The following PDCL variants were observed in gnomAD, a reference collection of about 807,000 sequenced individuals.
PDCL encodes phosducin like.
Under a neutral mutation model 26.7 loss-of-function variants are expected in PDCL, and 11 were observed. The observed-to-expected ratio is 0.41, with a 90% CI of 0.26 to 0.68. The LOEUF (loss-of-function observed/expected upper bound fraction) is 0.68. Ranked by LOEUF, PDCL falls within the 30% of genes least tolerant of loss-of-function variation. The probability of loss-of-function intolerance (pLI) is 0.30; values close to 1 mark genes in which losing one functional copy is unlikely to be tolerated. For synonymous variants in PDCL, 118 were observed against 134.9 expected, an observed-to-expected ratio of 0.87 and a Z score of 0.87; for missense variants, 330 against 371.6, an observed-to-expected ratio of 0.89 and a Z score of 0.92.
chr9:122,826,442 G>C (rs1207934736), intron 2 of PDCL, among the ~76,000 whole-genome samples, 174 bp downstream of exon 2: 1 of 152,180 alleles, frequency 6.6e-6, no homozygotes, highest in Non-Finnish European at 1.5e-5. Context: ...ACATACATTT[G>C]TATTGTGCAC....
rs373380908 is a variant in PDCL at position 122,820,142 on chromosome 9, T to A, written c.849A>T (p.Thr283=). The A allele has an allele frequency of 1.2e-6, 2 of 1,614,172 alleles. No homozygotes were observed. Among genetic ancestry groups the A allele is most frequent in the Non-Finnish European group, 1.7e-6 (2 of 1,179,996 alleles). ...GACACGTGGCAGAGTTACGCACAGA[T>A]GTCAGCACCAAGACTTCCTTTTCTG... ...LLPEKEVLVL[T]SVRNSATCHS... The change falls in exon 4 of 4, where the codon ACA becomes ACT. Residue 283 remains threonine (T), a synonymous_variant. Coordinates refer to ENST00000259467, the MANE Select transcript of PDCL (RefSeq NM_005388.5).
At chr9:122,822,989 A>G in intron 3 of PDCL, 27 bp downstream of exon 3, 1 of 1,603,418 alleles carries the variant, frequency 6.2e-7, no homozygotes, top group South Asian at 1.1e-5. Context: ...AGCAGACTCT[A>G]AGAAAAGCCT....
At position 122,820,198 on chromosome 9, in the gene PDCL, C is replaced by T; in HGVS notation, c.793G>A (p.Glu265Lys). ...LGDDFFAVDL[E>K]AFLQEFGLLP... is the part of the protein sequence containing the mutation. The stretch of plus-strand genomic sequence containing the variant: ...AATCCAAATTCCTGGAGAAAAGCTT[C>T]AAGGTCCACAGCAAAGAAATCATCC... The change falls in exon 4 of 4, where the codon GAA becomes AAA. Residue 265 changes from glutamate (E) to lysine (K), a missense_variant. Coordinates refer to ENST00000259467, the MANE Select transcript of PDCL (RefSeq NM_005388.5). 1 of 1,614,186 alleles carries T rather than the reference C, an allele frequency of 6.2e-7. No homozygotes were observed. The highest frequency in any genetic ancestry group is 8.5e-7 in the Non-Finnish European group (1 of 1,180,026).
rs200809010 is a variant in PDCL at position 122,820,373 on chromosome 9, G to A, written c.618C>T (p.Ala206=). ...EAMNGCMICL[A]AEYPAVKFCK... ...AGAACTTGACAGCTGGGTACTCTGCGGCAAGGCAGATCATGCAACCATTCA... is the reference window on the plus strand; with the variant it reads ...AGAACTTGACAGCTGGGTACTCTGCAGCAAGGCAGATCATGCAACCATTCA... The change falls in exon 4 of 4, where the codon GCC becomes GCT. Residue 206 remains alanine, a synonymous_variant. Coordinates refer to ENST00000259467, the MANE Select transcript of PDCL (RefSeq NM_005388.5). 1.1e-5 allele frequency: 17 copies of A among 1,614,090 alleles called. No homozygotes were observed. The highest frequency in any genetic ancestry group is 1.6e-4 in the Middle Eastern group (1 of 6,062).
chr9:122,823,277 C>T, intron 2 of PDCL, 80 bp from the exon 3 acceptor site: 1 of 1,352,652 alleles, frequency 7.4e-7, no homozygotes, highest in East Asian at 2.3e-5. Context: ...GGTAGGAGTT[C>T]ACATCTGCCT....
chr9:122,824,421 G>C (rs1829596717), intron 2 of PDCL, among the ~76,000 whole-genome samples: 1 of 152,152 alleles, frequency 6.6e-6, no homozygotes, highest in African/African-American at 2.4e-5. Flanking sequence ...TAAATAGAGG[G>C]ACACAGCCAA....
intron 2 of PDCL, among the ~76,000 whole-genome samples, chr9:122,825,191 T>C (rs1394220878): frequency 6.6e-6 from 1 of 151,818 alleles, no homozygotes; most frequent in Non-Finnish European, 1.5e-5. Context: ...AGACAGAGTC[T>C]CACTCTGTTG....
rs1829525349 is a variant in PDCL at position 122,819,371 on chromosome 9, A to C, written c.*714T>G. 1 of 152,200 alleles carries C rather than the reference A, an allele frequency of 6.6e-6. No homozygotes were observed. The highest frequency in any genetic ancestry group is 6.5e-5 in the Admixed American group (1 of 15,288). 9.4% of individuals were successfully genotyped at this position (152,200 alleles called of 1,614,324 possible). ...ACCTTGTTAAACAAAAAAGAGACAA[A>C]GACAAGCAGGGGCATCTTACTGAAA... On this transcript the variant is annotated 3_prime_UTR_variant, in exon 4 of 4. Transcript: ENST00000259467.
chr9:122,820,750 G>T (rs1829543041), intron 3 of PDCL, 114 bp from the exon 4 acceptor site: 2 of 771,752 alleles, frequency 2.6e-6, no homozygotes, highest in Admixed American at 5.5e-5. Context: ...TTGGGAGGCT[G>T]AGACGAGCGG....
chr9:122,823,993 C>T (rs1370406655), intron 2 of PDCL, among the ~76,000 whole-genome samples: 1 of 152,208 alleles, frequency 6.6e-6, no homozygotes, highest in Non-Finnish European at 1.5e-5. Flanking sequence ...TGGTCTCCAA[C>T]TCCTGACCTC....
Position 122,826,730 on chromosome 9 carries a change from T to C in PDCL, c.58A>G (p.Ser20Gly), listed in dbSNP as rs1457879017. The stretch of plus-strand genomic sequence containing the variant: ...TCGTGGTCACTGTCCTCATCCTCAC[T>C]GCTGCTATAGTAGTACTGCAGTTTC... ...GEKLQYYYSS[S>G]EDEDSDHEDK... is the part of the protein sequence containing the mutation. Residue 20 changes from serine (S) to glycine (G), a missense_variant, in exon 2 of 4, where the codon AGT (serine) becomes GGT (glycine). Physicochemically the swap from Ser to Gly is moderately conservative, Grantham distance 56. Transcript: ENST00000259467. 2.5e-6 allele frequency: 4 copies of C among 1,614,168 alleles called. No homozygotes were observed. Among genetic ancestry groups the C allele is most frequent in the Admixed American group, 1.7e-5 (1 of 60,014 alleles).
intron 2 of PDCL, 62 bp downstream of exon 2, chr9:122,826,550 TTTAA>T: frequency 7.9e-7 from 1 of 1,265,782 alleles, no homozygotes; most frequent in Non-Finnish European, 1.1e-6. Flanking sequence ...TTAATATGTA[TTTAA>T]TTAATATGTA....
chr9:122,819,004 A>T lies in PDCL; in HGVS notation c.*1081T>A, dbSNP rs955648813. On this transcript the variant is annotated 3_prime_UTR_variant, in exon 4 of 4. Transcript: ENST00000259467. ...CGATGGAATATTAATAGACATTTTTAAAAAGTTGTAGAATATTTAATAATA... is the reference window on the plus strand; with the variant it reads ...CGATGGAATATTAATAGACATTTTTTAAAAGTTGTAGAATATTTAATAATA... 3.3e-5 allele frequency: 5 copies of T among 152,096 alleles called. No individual in the cohort carries two copies. Among genetic ancestry groups the T allele is most frequent in the African/African-American group, 4.8e-5 (2 of 41,434 alleles). 9.4% of individuals were successfully genotyped at this position (152,096 alleles called of 1,614,324 possible).
chr9:122,827,900 A>G (rs1564270304), intron 1 of PDCL, among the ~76,000 whole-genome samples: 2 of 151,940 alleles, frequency 1.3e-5, no homozygotes, highest in Non-Finnish European at 2.9e-5. Flanking sequence ...CTCCATTTAC[A>G]AAGTGACTCT....
chr9:122,828,214 GGCGGGCCCCCTGGAGACGCGA>G (rs1224642467), intron 1 of PDCL, among the ~76,000 whole-genome samples: 1 of 152,118 alleles, frequency 6.6e-6, no homozygotes, highest in African/African-American at 2.4e-5. Flanking sequence ...AGGAGACGAG[GGCGGGCCCCCTGGAGACGCGA>G]GCAGAGGAGG....
intron 1 of PDCL, among the ~76,000 whole-genome samples, chr9:122,828,211 G>C (rs1032727749): frequency 6.6e-6 from 1 of 152,122 alleles, no homozygotes; most frequent in Non-Finnish European, 1.5e-5. Flanking sequence ...GGGAGGAGAC[G>C]AGGGCGGGCC....
In PDCL at chr9:122,819,901, T is replaced by TA; in HGVS notation, c.*183_*184insT. 1.9e-6 allele frequency: 1 copy of TA among 514,120 alleles called. No individual in the cohort carries two copies. The highest frequency in any genetic ancestry group is 3.4e-6 in the Non-Finnish European group (1 of 297,222). The allele number at this position is 514,120 out of a possible 1,614,324, so 31.8% of individuals were successfully genotyped here. A position where few individuals can be genotyped will look rare whatever the true frequency, so the allele number is the denominator to read the frequency against. On this transcript the variant is annotated 3_prime_UTR_variant, in exon 4 of 4. Transcript: ENST00000259467. Reference sequence around the variant, plus strand: ...GGCTTCCTGTTTATACAACTGTAAGTCACCTTATTGCTAGCTACAAGGTTA... The same window carrying TA: ...GGCTTCCTGTTTATACAACTGTAAGTACACCTTATTGCTAGCTACAAGGTTA...
chr9:122,825,316 C>A (rs1329482615), intron 2 of PDCL, among the ~76,000 whole-genome samples: 1 of 152,002 alleles, frequency 6.6e-6, no homozygotes, highest in African/African-American at 2.4e-5. Flanking sequence ...CGCATGCCCC[C>A]ACACCTGGCT....
rs1829531362 is a variant in PDCL at position 122,819,982 on chromosome 9, C to CT, written c.*102dup. ...TTTATTTTATGCATAATAAAAGGGACTACAAAGAACAGCTGAAAAGCCAGA... is the reference window on the plus strand; with the variant it reads ...TTTATTTTATGCATAATAAAAGGGACTTACAAAGAACAGCTGAAAAGCCAGA... On this transcript the variant is annotated 3_prime_UTR_variant, in exon 4 of 4. Coordinates refer to ENST00000259467, the MANE Select transcript of PDCL (RefSeq NM_005388.5). 3.2e-6 allele frequency: 3 copies of CT among 924,676 alleles called. No homozygotes were observed. In the East Asian group the frequency reaches 7.4e-5, roughly 23 times the overall value. 57.3% of individuals were successfully genotyped at this position (924,676 alleles called of 1,614,324 possible). A position where few individuals can be genotyped will look rare whatever the true frequency, so the allele number is the denominator to read the frequency against.
Sources: allele counts gnomAD v4.1 joint callset (sites outside exome capture counted in the v4.1 genomes callset), GRCh38; gene constraint gnomAD v4.1.1; transcripts MANE v1.5; gene names NCBI Gene and HGNC (gene_info 2026-07-23, HGNC 2026-07-21).